Variants in VEGFA observed in about 807,000 individuals in gnomAD.
VEGFA encodes the protein vascular endothelial growth factor A.
In VEGFA, 20 loss-of-function variants were observed where a neutral mutation model predicts 49.7. The observed-to-expected ratio is 0.40, with a 90% CI of 0.28 to 0.58. The LOEUF (loss-of-function observed/expected upper bound fraction) is 0.58. Among genes scored for constraint, VEGFA ranks in the 20% least tolerant of loss-of-function variants. The probability of loss-of-function intolerance (pLI) is 0.40; values close to 1 mark genes in which losing one functional copy is unlikely to be tolerated. For missense variants in VEGFA, 505 were observed against 553.5 expected (o/e 0.91, Z 0.88); for synonymous variants, 219 against 223.4 (o/e 0.98, Z 0.18).
chr6:43,778,840 T>C, intron 4 of VEGFA, 49 bp from the exon 5 acceptor site: 1 of 1,604,654 alleles, frequency 6.2e-7, no homozygotes, highest in Non-Finnish European at 8.5e-7. Context: ...ATCATCACCA[T>C]CTTAACCCTT....
chr6:43,777,104 T>G lies in VEGFA; in HGVS notation c.659-365T>G. The G allele has an allele frequency of 1.4e-5, 5 of 365,332 alleles. No individual in the cohort carries two copies. The highest frequency in any genetic ancestry group is 1.1e-4 in the South Asian group (5 of 44,684). The allele number at this position is 365,332 out of a possible 1,614,324, so 22.6% of individuals were successfully genotyped here. A position where few individuals can be genotyped will look rare whatever the true frequency, so the allele number is the denominator to read the frequency against. ...TGGCAAAGCTGGCTCTTCCTCCTTT[T>G]AGGGAAAGCTTAGAGCATCCCCATG... On this transcript the variant is annotated intron_variant, in intron 2 of 7. Transcript: ENST00000672860. This position sits in a 1 kb window ranked among gnomAD's most constrained non-coding sequence, Gnocchi z 4.3.
intron 5 of VEGFA, 92 bp from the exon 6 acceptor site, chr6:43,780,640 T>A: frequency 3.2e-6 from 5 of 1,562,026 alleles, no homozygotes; most frequent in Non-Finnish European, 4.4e-6. Flanking sequence ...GGCTTTGCTT[T>A]GGTCGTTCCC....
chr6:43,778,986 T>C (rs1766399416), intron 5 of VEGFA, 68 bp downstream of exon 5: 4 of 1,604,198 alleles, frequency 2.5e-6, no homozygotes, highest in Non-Finnish European at 3.4e-6. Flanking sequence ...GGCTCTTGGC[T>C]ACCTCTGTTG....
intron 7 of VEGFA, chr6:43,783,142 C>T (rs1768444961): frequency 6.6e-6 from 1 of 152,278 alleles, no homozygotes; most frequent in African/African-American, 2.4e-5. Context: ...AGGTGGCTGG[C>T]ATCTTTTAAT....
chr6:43,778,978 CT>C (rs1458958250), intron 5 of VEGFA, 60 bp downstream of exon 5: 3 of 1,607,924 alleles, frequency 1.9e-6, no homozygotes, highest in Non-Finnish European at 2.6e-6. Context: ...TGGTTTGGGG[CT>C]CTTGGCTACC....
Position 43,777,709 on chromosome 6 carries a change from G to T in VEGFA, c.855+44G>T, listed in dbSNP as rs1355928550. 5.9e-6 allele frequency: 4 copies of T among 676,540 alleles called. No homozygotes were observed. The highest frequency in any genetic ancestry group is 7.7e-6 in the Non-Finnish European group (3 of 390,002). 41.9% of individuals were successfully genotyped at this position (676,540 alleles called of 1,614,324 possible). On this transcript the variant is annotated intron_variant, in intron 3 of 7. Transcript: ENST00000672860. The surrounding 1 kb of genome is among the most constrained non-coding windows in gnomAD (Gnocchi z 4.3). ...TGGGGCAAGGGGGGGATAGGGAGGG[G>T]GGTAACACTTTGGGAACAGGTGGTC...
In VEGFA at chr6:43,770,739, C is replaced by A. The variant is rs771641958; in HGVS notation, c.33C>A (p.Ser11Arg). ...ACAGACAGACAGACACCGCCCCCAGCCCCAGCTACCACCTCCTCCCCGGCC... is the reference window on the plus strand; with the variant it reads ...ACAGACAGACAGACACCGCCCCCAGACCCAGCTACCACCTCCTCCCCGGCC... The change falls in exon 1 of 8, where the codon AGC becomes AGA. Residue 11 changes from serine (S) to arginine (R), a missense_variant. Ser to Arg is a moderately radical substitution (Grantham distance 110). This residue lies in a region of VEGFA where 340 missense variants were observed against 321.8 expected (regional missense o/e 1.06). Coordinates refer to ENST00000672860, the MANE Select transcript of VEGFA (RefSeq NM_003376.6). 28 of 1,527,026 alleles carry A rather than the reference C, an allele frequency of 1.8e-5. 1 individual carries two copies. Among genetic ancestry groups the A allele is most frequent in the Non-Finnish European group, 2.4e-5 (27 of 1,147,470 alleles). 94.6% of individuals were successfully genotyped at this position (1,527,026 alleles called of 1,614,324 possible). A position where few individuals can be genotyped will look rare whatever the true frequency, so the allele number is the denominator to read the frequency against.
chr6:43,777,515 C>G lies in VEGFA; in HGVS notation c.705C>G (p.Ile235Met), dbSNP rs375773218. 6 of 1,614,074 alleles carry G rather than the reference C, an allele frequency of 3.7e-6. No individual in the cohort carries two copies. Among genetic ancestry groups the G allele is most frequent in the African/African-American group, 1.3e-5 (1 of 74,920 alleles). The stretch of plus-strand genomic sequence containing the variant: ...ATCAGCGCAGCTACTGCCATCCAAT[C>G]GAGACCCTGGTGGACATCTTCCAGG... Residue 235 changes from isoleucine (I) to methionine (M), a missense_variant, in exon 3 of 8, where the codon ATC becomes ATG. Physicochemically the swap from Ile to Met is conservative, Grantham distance 10 (BLOSUM62 1). Coordinates refer to ENST00000672860, the MANE Select transcript of VEGFA (RefSeq NM_003376.6). The surrounding 1 kb of genome is among the most constrained non-coding windows in gnomAD (Gnocchi z 4.3).
chr6:43,780,615 G>A, intron 5 of VEGFA, 117 bp from the exon 6 acceptor site: 1 of 1,469,472 alleles, frequency 6.8e-7, no homozygotes, highest in Non-Finnish European at 9.3e-7. Flanking sequence ...CTTCCTCCGG[G>A]AAGCGGCCCT....
Position 43,770,899 on chromosome 6 carries a change from G to C in VEGFA, c.193G>C (p.Gly65Arg). 1 of 1,544,808 alleles carries C rather than the reference G, an allele frequency of 6.5e-7. No individual in the cohort carries two copies. Among genetic ancestry groups the C allele is most frequent in the Non-Finnish European group, 8.7e-7 (1 of 1,145,506 alleles). ...CCAACTTCTGGGCTGTTCTCGCTTC[G>C]GAGGAGCCGTGGTCCGCGCGGGGGA... The change falls in exon 1 of 8, where the codon GGA (glycine) becomes CGA (arginine). Residue 65 changes from glycine to arginine, a missense_variant. Physicochemically the swap from Gly to Arg is moderately radical, Grantham distance 125 (BLOSUM62 -2). Coordinates refer to ENST00000672860, the MANE Select transcript of VEGFA (RefSeq NM_003376.6).
At position 43,786,000 on chromosome 6, in the gene VEGFA, C is replaced by T. The variant is rs1461877796; in HGVS notation, c.*1438C>T. 5.5e-6 allele frequency: 1 copy of T among 181,620 alleles called. No homozygotes were observed. Among genetic ancestry groups the T allele is most frequent in the African/African-American group, 2.4e-5 (1 of 42,396 alleles). 11.3% of individuals were successfully genotyped at this position (181,620 alleles called of 1,614,324 possible). On this transcript the variant is annotated 3_prime_UTR_variant, in exon 8 of 8. Coordinates refer to ENST00000672860, the MANE Select transcript of VEGFA (RefSeq NM_003376.6). ...CTCCCTGATCGGTGACAGTCACTAG[C>T]TTATCTTGAACAGATATTTAATTTT...
chr6:43,770,614 G>C lies in VEGFA; in HGVS notation c.-93G>C. 6.9e-7 allele frequency: 1 copy of C among 1,452,948 alleles called. No homozygotes were observed. Among genetic ancestry groups the C allele is most frequent in the South Asian group, 1.4e-5 (1 of 72,668 alleles). The allele number at this position is 1,452,948 out of a possible 1,614,324, so 90.0% of individuals were successfully genotyped here. On this transcript the variant is annotated 5_prime_UTR_variant, in exon 1 of 8. Transcript: ENST00000672860. ...GCGCGGGCGTGCGAGCAGCGAAAGC[G>C]ACAGGGGCAAAGTGAGTGACCTGCT...
intron 7 of VEGFA, 124 bp downstream of exon 7, chr6:43,782,211 C>G: frequency 7.2e-7 from 1 of 1,391,136 alleles, no homozygotes; most frequent in Non-Finnish European, 9.8e-7. Context: ...GCTGCTTGCT[C>G]AGTTTCTAGC....
Position 43,770,679 on chromosome 6 carries a change from C to A in VEGFA, c.-28C>A. ...CCGGAGCGCGGCGTGAGCCCTCCCC[C>A]TTGGGATCCCGCAGCTGACCAGTCG... On this transcript the variant is annotated 5_prime_UTR_variant, in exon 1 of 8. Transcript: ENST00000672860. 1 of 1,538,638 alleles carries A rather than the reference C, an allele frequency of 6.5e-7. No individual in the cohort carries two copies. Among genetic ancestry groups the A allele is most frequent in the East Asian group, 2.6e-5 (1 of 38,268 alleles).
At chr6:43,771,344 C>T (rs2127997655) in intron 1 of VEGFA, 32 bp downstream of exon 1, 2 of 1,585,996 alleles carry the variant, frequency 1.3e-6, no homozygotes, top group East Asian at 2.4e-5. Flanking sequence ...GCGCCGCGGG[C>T]CGCTGCGAGC....
Position 43,784,600 on chromosome 6 carries a change from G to A in VEGFA, c.*38G>A. The A allele has an allele frequency of 6.2e-7, 1 of 1,614,202 alleles. No homozygotes were observed. The highest frequency in any genetic ancestry group is 1.3e-5 in the African/African-American group (1 of 75,044). On this transcript the variant is annotated 3_prime_UTR_variant, in exon 8 of 8. Transcript: ENST00000672860. ...GAAGGAGCCTCCCTCAGGGTTTCGG[G>A]AACCAGATCTCTCACCAGGAAAGAC...
intron 5 of VEGFA, 84 bp from the exon 6 acceptor site, chr6:43,780,648 C>A: frequency 6.4e-7 from 1 of 1,557,372 alleles, no homozygotes; most frequent in Non-Finnish European, 8.8e-7. Flanking sequence ...TTTGGTCGTT[C>A]CCCCATCCCT....
rs1219395046 is a variant in VEGFA, at chr6:43,770,974, C to T, written c.268C>T (p.Pro90Ser). ...AAGTGCTAGCTCGGGCCGGGAGGAG[C>T]CGCAGCCGGAGGAGGGGGAGGAGGA... is the stretch of plus-strand genomic sequence containing the variant. The change falls in exon 1 of 8, where the codon CCG becomes TCG. Residue 90 changes from proline (P) to serine (S), a missense_variant. Pro to Ser is a moderately conservative substitution (Grantham distance 74). Transcript: ENST00000672860. The T allele has an allele frequency of 1.9e-6, 3 of 1,543,072 alleles. No homozygotes were observed. Among genetic ancestry groups the T allele is most frequent in the Non-Finnish European group, 2.6e-6 (3 of 1,144,848 alleles).
At position 43,781,877 on chromosome 6, in the gene VEGFA, G is replaced by A. The variant is rs1057048864; in HGVS notation, c.1035-79G>A. On this transcript the variant is annotated intron_variant, in intron 6 of 7. Transcript: ENST00000672860. ...GGGGGTGCAGCTGCGGACATGTTAG[G>A]GGGTGTTGCATGGTGATTTTTTTTC... The A allele has an allele frequency of 9.5e-6, 15 of 1,581,916 alleles. No individual in the cohort carries two copies. In the South Asian group the frequency reaches 1.3e-4, roughly 14 times the overall value.
Sources: gnomAD v4.1 joint callset for allele counts on GRCh38, gnomAD v4.1.1 for gene constraint, gnomAD v4.1.1 regional missense constraint, Gnocchi (gnomAD v3.1) non-coding constraint, MANE v1.5 for transcripts, NCBI Gene and HGNC (gene_info 2026-07-23, HGNC 2026-07-21) for gene names.